The following LINGO2 variants were observed in gnomAD, a reference collection of about 807,000 sequenced individuals.
LINGO2 encodes leucine-rich repeat and immunoglobulin-like domain-containing nogo receptor-interacting protein 2.
In LINGO2, 14 loss-of-function variants were observed where a neutral mutation model predicts 30.6. That is an observed-to-expected ratio of 0.46 (90% CI 0.30 to 0.72). LINGO2 has a LOEUF of 0.72. Ranked by LOEUF, LINGO2 falls within the 30% of genes least tolerant of loss-of-function variation. The probability of loss-of-function intolerance (pLI) is 0.07; values close to 1 mark genes in which losing one functional copy is unlikely to be tolerated. For missense variants in LINGO2, 729 were observed against 751.7 expected, an observed-to-expected ratio of 0.97 and a Z score of 0.35; for synonymous variants, 317 against 288.5, an observed-to-expected ratio of 1.10 and a Z score of -1.00.
chr9:28,221,286 C>A (rs1249941043), intron 4 of LINGO2, among the ~76,000 whole-genome samples: 2 of 105,182 alleles, frequency 1.9e-5, no homozygotes, highest in African/African-American at 3.8e-5. Flanking sequence ...GGTGACAGAG[C>A]CAGACCCCGT....
At chr9:29,091,213 C>T in the LINGO2 span, among the ~76,000 whole-genome samples, 4,763 of 152,062 alleles carry the variant, frequency 0.031, 250 homozygotes, top group African/African-American at 0.11. Context: ...AAAGTAAAAG[C>T]AACAAACGAA....
the LINGO2 span, among the ~76,000 whole-genome samples, chr9:29,110,845 C>G: frequency 6.6e-6 from 1 of 151,930 alleles, no homozygotes; most frequent in Non-Finnish European, 1.5e-5. Context: ...CGCTCGCCAC[C>G]ACGCCCAGCT....
chr9:28,769,164 C>T, the LINGO2 span, among the ~76,000 whole-genome samples: 1 of 151,426 alleles, frequency 6.6e-6, no homozygotes, highest in Non-Finnish European at 1.5e-5. Flanking sequence ...AAATATATAG[C>T]CATAAGTATA....
chr9:28,250,683 A>ATGGT (rs1822166103), intron 4 of LINGO2, among the ~76,000 whole-genome samples: 1 of 152,208 alleles, frequency 6.6e-6, no homozygotes, highest in Non-Finnish European at 1.5e-5. Context: ...ACCCCTCACC[A>ATGGT]GAGCTACGCT....
intron 1 of LINGO2, among the ~76,000 whole-genome samples, chr9:28,504,343 A>T (rs186193486): frequency 6.6e-6 from 1 of 151,990 alleles, no homozygotes; most frequent in Non-Finnish European, 1.5e-5. Flanking sequence ...TAGATATATT[A>T]AAAATATAGT....
the LINGO2 span, among the ~76,000 whole-genome samples, chr9:28,856,936 A>T: frequency 6.6e-6 from 1 of 152,052 alleles, no homozygotes; most frequent in South Asian, 2.1e-4. Context: ...TGGTGATGGG[A>T]GATGAAGGAT....
chr9:28,326,484 A>G (rs1201997785), intron 3 of LINGO2, among the ~76,000 whole-genome samples: 2 of 152,102 alleles, frequency 1.3e-5, no homozygotes, highest in Non-Finnish European at 2.9e-5. Flanking sequence ...TTGATATTCT[A>G]TATCACTGCT....
At chr9:28,046,645 A>G (rs747186308) in intron 4 of LINGO2, among the ~76,000 whole-genome samples, 2 of 151,982 alleles carry the variant, frequency 1.3e-5, no homozygotes, top group African/African-American at 4.8e-5. Context: ...TGTTCATTAT[A>G]TTTTCCCTCC....
intron 2 of LINGO2, among the ~76,000 whole-genome samples, chr9:28,474,792 G>C (rs952115160): frequency 1.3e-5 from 2 of 152,086 alleles, no homozygotes; most frequent in South Asian, 4.1e-4. Flanking sequence ...CTGTCTGTAT[G>C]GTCAGGCTGG....
intron 1 of LINGO2, among the ~76,000 whole-genome samples, chr9:28,504,676 AATAG>A (rs897315381): frequency 9.9e-5 from 15 of 151,720 alleles, no homozygotes; most frequent in Admixed American, 7.2e-4. Context: ...TTTTATACCT[AATAG>A]ATATATTAAA....
At chr9:28,200,948 G>A (rs1820208751) in intron 4 of LINGO2, among the ~76,000 whole-genome samples, 2 of 150,424 alleles carry the variant, frequency 1.3e-5, no homozygotes, top group South Asian at 4.2e-4. Flanking sequence ...CACCGTACAA[G>A]ACTCCTGACC....
At chr9:28,268,398 C>A (rs1822828316) in intron 4 of LINGO2, among the ~76,000 whole-genome samples, 2 of 151,996 alleles carry the variant, frequency 1.3e-5, no homozygotes. Context: ...CCTGGTGAAC[C>A]TAGAACAGAG....
chr9:28,556,467 C>T (rs1397513156), intron 1 of LINGO2, among the ~76,000 whole-genome samples: 3 of 151,964 alleles, frequency 2.0e-5, no homozygotes, highest in Admixed American at 6.6e-5. Flanking sequence ...TCAAAGAGAA[C>T]GACAAACCAC....
At chr9:28,253,713 G>A (rs1822285516) in intron 4 of LINGO2, among the ~76,000 whole-genome samples, 1 of 152,126 alleles carries the variant, frequency 6.6e-6, no homozygotes, top group Admixed American at 6.5e-5. Context: ...ACCTTAACCT[G>A]CGGCCTGGGG....
chr9:29,087,992 C>T, the LINGO2 span, among the ~76,000 whole-genome samples: 1 of 151,950 alleles, frequency 6.6e-6, no homozygotes, highest in Admixed American at 6.6e-5. Flanking sequence ...GAATAAAAGA[C>T]CTTTTAAATA....
At chr9:28,521,725 T>A (rs1820835430) in intron 1 of LINGO2, among the ~76,000 whole-genome samples, 1 of 152,200 alleles carries the variant, frequency 6.6e-6, no homozygotes, top group Non-Finnish European at 1.5e-5. Context: ...GAATGTGACC[T>A]TATTTGAACA....
the LINGO2 span, among the ~76,000 whole-genome samples, chr9:28,813,457 G>A: frequency 6.6e-6 from 1 of 152,162 alleles, no homozygotes; most frequent in East Asian, 1.9e-4. Context: ...TCAGACTGCA[G>A]TTGACCATGG....
the LINGO2 span, among the ~76,000 whole-genome samples, chr9:28,801,246 A>T: frequency 6.6e-6 from 1 of 152,076 alleles, no homozygotes; most frequent in African/African-American, 2.4e-5. Flanking sequence ...AAGCTGTTCA[A>T]GATAGGTGGG....
the LINGO2 span, among the ~76,000 whole-genome samples, chr9:28,936,376 G>T: frequency 6.6e-6 from 1 of 152,142 alleles, no homozygotes; most frequent in Non-Finnish European, 1.5e-5. Context: ...ACCAAAAAAT[G>T]GTAGTGGTGA....
Sources: gnomAD v4.1 joint callset for allele counts (sites outside exome capture counted in the v4.1 genomes callset) on GRCh38, gnomAD v4.1.1 for gene constraint, MANE v1.5 for transcripts, NCBI Gene and HGNC (gene_info 2026-07-23, HGNC 2026-07-21) for gene names.